BRCA2: variants seen among roughly 807,000 people sequenced by gnomAD.
The protein encoded by BRCA2 is breast cancer type 2 susceptibility protein.
Under a neutral mutation model 276.7 loss-of-function variants are expected in BRCA2, and 203 were observed. The observed-to-expected ratio is 0.73, with a 90% confidence interval of 0.65 to 0.82. The LOEUF (loss-of-function observed/expected upper bound fraction) is 0.82, where lower values mean the gene tolerates loss of function less well. Ranked by LOEUF, BRCA2 falls within the 40% of genes least tolerant of loss-of-function variation. BRCA2 has a pLI of 0.00. For missense variants in BRCA2, 3,920 were observed against 3,915.0 expected (o/e 1.00, Z -0.03); for synonymous variants, 1,289 against 1,338.4 (o/e 0.96, Z 0.81).
chr13:32,358,350 C>T lies in BRCA2; in HGVS notation c.7805+421C>T, dbSNP rs1288712199. Among the ~76,000 whole-genome samples, 3 of 151,582 alleles carry T rather than the reference C, an allele frequency of 2.0e-5. No individual in the cohort carries two copies. The East Asian group carries it at 5.9e-4, about 30-fold the overall frequency. Reference sequence around the variant, plus strand: ...AACTATCTGGGCGTGGTGGCAGGCACCTGTAATCCCGGCTACTCTGGAGGC... The same window carrying T: ...AACTATCTGGGCGTGGTGGCAGGCATCTGTAATCCCGGCTACTCTGGAGGC... On this transcript the variant is annotated intron_variant, in intron 16 of 26. Coordinates refer to ENST00000380152, the MANE Select transcript of BRCA2 (RefSeq NM_000059.4).
In BRCA2 at chr13:32,330,138, T is replaced by G. The variant is rs11571630; in HGVS notation, c.681+646T>G. ...GTGTCATTCATTTCAGGGGATCCCTTACTGAAGTTTTCGTTTAGGCTCTAT... is the reference window on the plus strand; with the variant it reads ...GTGTCATTCATTTCAGGGGATCCCTGACTGAAGTTTTCGTTTAGGCTCTAT... On this transcript the variant is annotated intron_variant, in intron 8 of 26. Coordinates refer to ENST00000380152, the MANE Select transcript of BRCA2 (RefSeq NM_000059.4). Among the ~76,000 whole-genome samples, 401 of 152,342 alleles carry G rather than the reference T, an allele frequency of 2.6e-3. 3 individuals are homozygous for G. The highest frequency in any genetic ancestry group is 9.3e-3 in the African/African-American group (387 of 41,588).
chr13:32,395,606 C>T (rs1366054359), intron 25 of BRCA2, among the ~76,000 whole-genome samples: 1 of 152,068 alleles, frequency 6.6e-6, no homozygotes, highest in Non-Finnish European at 1.5e-5. Context: ...ATACTTAGGC[C>T]ATCGAATGCA....
In BRCA2 at chr13:32,325,701, C is replaced by T. The variant is rs11571618; in HGVS notation, c.426-400C>T. On this transcript the variant is annotated intron_variant, in intron 4 of 26. Coordinates refer to ENST00000380152, the MANE Select transcript of BRCA2 (RefSeq NM_000059.4). ...GACTACAGGCGCCCGCCACCATGCC[C>T]GGCTAATTTTTTGTATTTTTAGTAG... Among the ~76,000 whole-genome samples the T allele has an allele frequency of 0.041, 6,253 of 151,918 alleles. 219 individuals are homozygous for T. Among genetic ancestry groups the T allele is most frequent in the South Asian group, 0.11 (550 of 4,816 alleles).
At chr13:32,335,506 AC>A (rs919794346) in intron 10 of BRCA2, among the ~76,000 whole-genome samples, 1 of 152,070 alleles carries the variant, frequency 6.6e-6, no homozygotes, top group African/African-American at 2.4e-5. Context: ...TAGTATATGG[AC>A]CCTGTTTTTA....
At position 32,358,687 on chromosome 13, in the gene BRCA2, C is replaced by G. The variant is rs537051914; in HGVS notation, c.7805+758C>G. Among the ~76,000 whole-genome samples the G allele has an allele frequency of 5.3e-3, 805 of 151,512 alleles. 5 individuals carry two copies. The highest frequency in any genetic ancestry group is 0.019 in the African/African-American group (781 of 41,326). On this transcript the variant is annotated intron_variant, in intron 16 of 26. Transcript: ENST00000380152. ...GTGGCTCACGCCTGTAGTCCCAACACTTCGGAAGGCCAAGATGGGCCAATT... is the reference window on the plus strand; with the variant it reads ...GTGGCTCACGCCTGTAGTCCCAACAGTTCGGAAGGCCAAGATGGGCCAATT...
chr13:32,356,536 C>T lies in BRCA2; in HGVS notation c.7544C>T (p.Thr2515Ile), dbSNP rs28897744. 5.4e-4 allele frequency: 875 copies of T among 1,614,246 alleles called. 4 individuals carry two copies. The highest frequency in any genetic ancestry group is 6.2e-4 in the Non-Finnish European group (729 of 1,180,032). ...PQPGSLYLAK[T>I]STLPRISLKA... ...CCAGGCAGTCTGTATCTTGCAAAAACATCCACTCTGCCTCGAATCTCTCTG... is the reference window on the plus strand; with the variant it reads ...CCAGGCAGTCTGTATCTTGCAAAAATATCCACTCTGCCTCGAATCTCTCTG... Residue 2515 changes from threonine (T) to isoleucine (I), a missense_variant, in exon 15 of 27, where the codon ACA becomes ATA. Thr to Ile is a moderately conservative substitution (Grantham distance 89). This residue lies in a region of BRCA2 where 3,263 missense variants were observed against 3,156.9 expected (regional missense o/e 1.03). Transcript: ENST00000380152.
At position 32,339,341 on chromosome 13, in the gene BRCA2, A is replaced by C. The variant is rs786202043; in HGVS notation, c.4986A>C (p.Ser1662=). ...ATCYTNQSPY[S]VIENSALAFY... The stretch of plus-strand genomic sequence containing the variant: ...GTTACACAAATCAGTCCCCTTATTC[A>C]GTCATTGAAAATTCAGCCTTAGCTT... Residue 1662 remains serine, a synonymous_variant, in exon 11 of 27, where the codon TCA becomes TCC. Coordinates refer to ENST00000380152, the MANE Select transcript of BRCA2 (RefSeq NM_000059.4). 1 of 1,590,782 alleles carries C rather than the reference A, an allele frequency of 6.3e-7. No individual in the cohort carries two copies.
intron 13 of BRCA2, among the ~76,000 whole-genome samples, chr13:32,351,655 G>A (rs2072651727): frequency 6.6e-6 from 1 of 152,062 alleles, no homozygotes; most frequent in Non-Finnish European, 1.5e-5. Context: ...AAAAAGTCAA[G>A]AAGAAACATG....
chr13:32,358,151 C>G (rs2072713870), intron 16 of BRCA2, among the ~76,000 whole-genome samples: 2 of 152,174 alleles, frequency 1.3e-5, no homozygotes, highest in Admixed American at 1.3e-4. Context: ...GGACATTTTT[C>G]TTAGGCATTT....
At position 32,363,526 on chromosome 13, in the gene BRCA2, T is replaced by G. The variant is rs80359073; in HGVS notation, c.8324T>G (p.Met2775Arg). 5 of 1,612,534 alleles carry G rather than the reference T, an allele frequency of 3.1e-6. No homozygotes were observed. Among genetic ancestry groups the G allele is most frequent in the Non-Finnish European group, 3.4e-6 (4 of 1,178,750 alleles). ...CCTCTTGAAGCCCCAGAATCTCTTA[T>G]GTTAAAGGTAAATTAATTTGCACTC... ...CTPLEAPESLMLKISANSTRP... is the reference protein window; with the variant it reads ...CTPLEAPESLRLKISANSTRP... The change falls in exon 18 of 27, where the codon ATG becomes AGG. Residue 2775 changes from methionine (M) to arginine (R), a missense_variant. By Grantham distance (91) the Met-to-Arg change is moderately conservative. Transcript: ENST00000380152.
intron 20 of BRCA2, among the ~76,000 whole-genome samples, chr13:32,374,233 C>T (rs1198945696): frequency 6.6e-6 from 1 of 152,262 alleles, no homozygotes; most frequent in South Asian, 2.1e-4. Context: ...CTGTGGAGAT[C>T]TCTGACATGC....
Position 32,355,196 on chromosome 13 carries a change from A to G in BRCA2, c.7343A>G (p.Lys2448Arg), listed in dbSNP as rs431825353. The G allele has an allele frequency of 6.2e-7, 1 of 1,613,666 alleles. No individual in the cohort carries two copies. The highest frequency in any genetic ancestry group is 8.5e-7 in the Non-Finnish European group (1 of 1,179,616). ...CATGGCTCTGATGATAGTAAAAATA[A>G]GATTAATGACAATGAGATTCATCAG... ...DGHGSDDSKN[K>R]INDNEIHQFN... The change falls in exon 14 of 27, where the codon AAG (lysine) becomes AGG (arginine). Residue 2448 changes from lysine to arginine, a missense_variant. By Grantham distance (26) the Lys-to-Arg change is conservative. This residue lies in a region of BRCA2 where 3,263 missense variants were observed against 3,156.9 expected (regional missense o/e 1.03). Transcript: ENST00000380152.
intron 18 of BRCA2, among the ~76,000 whole-genome samples, chr13:32,365,109 CTTTTTTTTTTTT>C (rs57551462): frequency 1.2e-4 from 8 of 64,462 alleles, no homozygotes; most frequent in Middle Eastern, 0.015. Context: ...GCAGTGCATT[CTTTTTTTTTTTT>C]TTTTTTTTTT....
rs1566241254 is a variant in BRCA2 at position 32,355,232 on chromosome 13, A to G, written c.7379A>G (p.Asn2460Ser). The change falls in exon 14 of 27, where the codon AAC becomes AGC. Residue 2460 changes from asparagine (N) to serine (S), a missense_variant. Asn to Ser is a conservative substitution (Grantham distance 46, BLOSUM62 1). Around this residue, in one of 2 missense-constraint regions of BRCA2, gnomAD observed 3,263 missense variants for 3,156.9 expected, o/e 1.03. Coordinates refer to ENST00000380152, the MANE Select transcript of BRCA2 (RefSeq NM_000059.4). ...AATGAGATTCATCAGTTTAACAAAA[A>G]CAACTCCAATCAAGCAGTAGCTGTA... ...NDNEIHQFNK[N>S]NSNQAVAVTF... The G allele has an allele frequency of 6.2e-7, 1 of 1,612,980 alleles. No homozygotes were observed. Among genetic ancestry groups the G allele is most frequent in the Non-Finnish European group, 8.5e-7 (1 of 1,179,046 alleles).
chr13:32,351,278 A>G (rs1202545026), intron 13 of BRCA2, among the ~76,000 whole-genome samples: 2 of 152,148 alleles, frequency 1.3e-5, no homozygotes, highest in African/African-American at 4.8e-5. Flanking sequence ...CGAACCCACC[A>G]GGAAGAAGAA....
rs2072354924 is a variant in BRCA2, at chr13:32,326,994, T to G, written c.631+381T>G. 2.0e-5 allele frequency among the ~76,000 whole-genome samples: 3 copies of G among 152,252 alleles called. No individual in the cohort carries two copies. The South Asian group carries it at 6.2e-4, about 32-fold the overall frequency. ...TAAGCTTTTGTTTTCTCTACTTAAA[T>G]GTGTTCTAAGGTCTGTATTGCCAGT... is the stretch of plus-strand genomic sequence containing the variant. On this transcript the variant is annotated intron_variant, in intron 7 of 26. Coordinates refer to ENST00000380152, the MANE Select transcript of BRCA2 (RefSeq NM_000059.4).
At position 32,318,683 on chromosome 13, in the gene BRCA2, T is replaced by C. The variant is rs11571584; in HGVS notation, c.68-394T>C. Among the ~76,000 whole-genome samples the C allele has an allele frequency of 0.051, 7,712 of 152,246 alleles. 269 individuals are homozygous for C. The highest frequency in any genetic ancestry group is 0.1 in the Admixed American group (1,581 of 15,292). ...GTCTCGATCTGACCTCGTGATCTGC[T>C]CGCCTCAGCCTCCCAAAGTGTTGGG... On this transcript the variant is annotated intron_variant, in intron 2 of 26. Coordinates refer to ENST00000380152, the MANE Select transcript of BRCA2 (RefSeq NM_000059.4).
At chr13:32,351,410 C>CATCA (rs1353826918) in intron 13 of BRCA2, among the ~76,000 whole-genome samples, 2 of 152,136 alleles carry the variant, frequency 1.3e-5, no homozygotes, top group Admixed American at 6.5e-5. Flanking sequence ...CACATCTGAA[C>CATCA]ATCAGGAAGA....
Position 32,333,071 on chromosome 13 carries a change from A to C in BRCA2, c.1593A>C (p.Lys531Asn). 6.2e-7 allele frequency: 1 copy of C among 1,610,684 alleles called. No homozygotes were observed. The highest frequency in any genetic ancestry group is 8.5e-7 in the Non-Finnish European group (1 of 1,179,282). ...ATATGACTGATCCAAACTTTAAAAA[A>C]GAAACTGAAGCCTCTGAAAGTGGAC... ...SGHMTDPNFK[K>N]ETEASESGLE... Residue 531 changes from lysine (K) to asparagine (N), a missense_variant, in exon 10 of 27, where the codon AAA becomes AAC. Physicochemically the swap from Lys to Asn is moderately conservative, Grantham distance 94. This residue lies in a region of BRCA2 where 3,263 missense variants were observed against 3,156.9 expected (regional missense o/e 1.03). Transcript: ENST00000380152.
Sources: allele counts gnomAD v4.1 joint callset (sites outside exome capture counted in the v4.1 genomes callset), GRCh38; gene constraint gnomAD v4.1.1; regional missense constraint gnomAD v4.1.1; transcripts MANE v1.5; gene names NCBI Gene and HGNC (gene_info 2026-07-23, HGNC 2026-07-21).